MUC4: variants seen among roughly 807,000 people sequenced by gnomAD.
MUC4 encodes the protein mucin-4.
MUC4 carries 202 observed loss-of-function variants against 257.9 expected under a neutral mutation model. The ratio of observed to expected loss-of-function variants is 0.78; its 90% CI spans 0.70 to 0.88. The LOEUF (loss-of-function observed/expected upper bound fraction) is 0.88. Ranked by LOEUF, MUC4 falls within the 40% of genes least tolerant of loss-of-function variation. The probability of loss-of-function intolerance (pLI) is 0.00; values close to 1 mark genes in which losing one functional copy is unlikely to be tolerated. For missense variants in MUC4, 5,976 were observed against 6,513.7 expected, an observed-to-expected ratio of 0.92 and a Z score of 2.84; for synonymous variants, 2,351 against 2,757.1, an observed-to-expected ratio of 0.85 and a Z score of 4.62.
intron 3 of MUC4, 102 bp downstream of exon 3, chr3:195,778,201 C>T (rs2550252): frequency 0.58 from 812,677 of 1,409,304 alleles, 236,136 homozygotes; most frequent in East Asian, 0.73. Context: ...TCGGTAAGGC[C>T]CTCCCCACCC....
intron 1 of MUC4, among the ~76,000 whole-genome samples, chr3:195,798,439 C>T (rs1734820006): frequency 6.6e-6 from 1 of 152,128 alleles, no homozygotes; most frequent in South Asian, 2.1e-4. Context: ...CGTGGTGGCT[C>T]ACACCTGTAA....
At chr3:195,751,165 A>T (rs1716353128) in intron 22 of MUC4, 42 bp downstream of exon 22, 1 of 1,516,344 alleles carries the variant, frequency 6.6e-7, no homozygotes, top group Non-Finnish European at 8.9e-7. Context: ...GTGGGGGATG[A>T]GGAAGAGATC....
In MUC4 at chr3:195,782,922, A is replaced by T. The variant is rs1201700294; in HGVS notation, c.8658T>A (p.Ala2886=). 17 of 1,502,668 alleles carry T rather than the reference A, an allele frequency of 1.1e-5. 3 individuals carry two copies. The highest frequency in any genetic ancestry group is 1.2e-5 in the Non-Finnish European group (14 of 1,120,006). The allele number at this position is 1,502,668 out of a possible 1,614,324, so 93.1% of individuals were successfully genotyped here. The change falls in exon 2 of 25, where the codon GCT becomes GCA. Residue 2886 remains alanine, a synonymous_variant. Transcript: ENST00000463781. ...GHATPLPVTD[A]SSVSTGHATP... is the part of the protein sequence containing the mutation. ...TAGCGTGACCTGTGGACACTGAGGA[A>T]GCGTCGGTGACAGGAAGAGGGGTGG...
rs1733857858 is a variant in MUC4 at position 195,791,481 on chromosome 3, T to C, written c.99A>G (p.Thr33=). ...CAGCAGTTTTACTTCCAGTTATTAA[T>C]GTGTCCTCTGTGGTTCCTGGAGTGA... ...PHVVPGTTED[T]LITGSKTAAP... The change falls in exon 2 of 25, where the codon ACA becomes ACG. Residue 33 remains threonine (T), a synonymous_variant. Coordinates refer to ENST00000463781, the MANE Select transcript of MUC4 (RefSeq NM_018406.7). 1 of 1,613,454 alleles carries C rather than the reference T, an allele frequency of 6.2e-7. No homozygotes were observed. Among genetic ancestry groups the C allele is most frequent in the South Asian group, 1.1e-5 (1 of 91,038 alleles).
At chr3:195,775,470 TCATACCTTCCACACC>T (rs1724261157) in intron 3 of MUC4, among the ~76,000 whole-genome samples, 4 of 17,652 alleles carry the variant, frequency 2.3e-4, no homozygotes, top group African/African-American at 1.0e-3. Context: ...CCTTCCACAG[TCATACCTTCCACACC>T]CATACCTTCC....
chr3:195,758,360 G>A (rs2688525), intron 17 of MUC4, among the ~76,000 whole-genome samples: 94,512 of 151,860 alleles, frequency 0.62, 30,664 homozygotes, highest in East Asian at 0.8. Flanking sequence ...AAACATGGTT[G>A]CCAGACAAAA....
At chr3:195,762,970 G>C (rs572187189) in intron 12 of MUC4, 25 bp from the exon 13 acceptor site, 2 of 1,511,934 alleles carry the variant, frequency 1.3e-6, no homozygotes, top group African/African-American at 2.8e-5. Flanking sequence ...GAGGGGGCCT[G>C]AGCCCGACCC....
rs756038293 is a variant in MUC4, at chr3:195,778,442, C to T, written c.12804G>A (p.Pro4268=). 80 of 1,612,572 alleles carry T rather than the reference C, an allele frequency of 5.0e-5. 1 individual carries two copies. In the South Asian group the frequency reaches 6.9e-4, roughly 14 times the overall value. Residue 4268 remains proline, a synonymous_variant, in exon 3 of 25, where the codon CCG becomes CCA. Coordinates refer to ENST00000463781, the MANE Select transcript of MUC4 (RefSeq NM_018406.7). ...LKMETPGMTT[P]SLKTDGGRRT... is the part of the protein sequence containing the mutation. The stretch of plus-strand genomic sequence containing the variant: ...GTCTCCCACCGTCTGTCTTCAGTGA[C>T]GGTGTTGTCATTCCTGGACACGTGA...
At chr3:195,759,720 G>A (rs957097792) in intron 16 of MUC4, among the ~76,000 whole-genome samples, 2 of 152,140 alleles carry the variant, frequency 1.3e-5, no homozygotes, top group African/African-American at 2.4e-5. Context: ...AGGAGTTCGC[G>A]ACCAGCCTGA....
chr3:195,767,549 TCACCATTACCATTGCCAC>T (rs1267097751), intron 7 of MUC4, among the ~76,000 whole-genome samples: 119 of 72,444 alleles, frequency 1.6e-3, no homozygotes, highest in African/African-American at 2.3e-3. Context: ...ATCATCACCA[TCACCATTACCATTGCCAC>T]CACCATCACC....
intron 5 of MUC4, chr3:195,770,844 G>A (rs915618913): frequency 6.5e-6 from 3 of 458,482 alleles, no homozygotes; most frequent in South Asian, 1.6e-5. Context: ...AGCACAGGAC[G>A]GGCCCTCTTG....
rs12489141 is a variant in MUC4 at position 195,784,663 on chromosome 3, T to C, written c.6917A>G (p.His2306Arg). Reference protein sequence around the residue: ...SASTGHATPLHVTDASSASTG... With the variant: ...SASTGHATPLRVTDASSASTG... ...GGATGCTGAGGAAGCGTCGGTGACATGAAGAGGGGTGGCGTGACCTGTGGA... is the reference window on the plus strand; with the variant it reads ...GGATGCTGAGGAAGCGTCGGTGACACGAAGAGGGGTGGCGTGACCTGTGGA... Residue 2306 changes from histidine to arginine, a missense_variant, in exon 2 of 25, where the codon CAT becomes CGT. Transcript: ENST00000463781. The C allele has an allele frequency of 1.4e-6, 1 of 733,488 alleles. No individual in the cohort carries two copies. The highest frequency in any genetic ancestry group is 1.7e-6 in the Non-Finnish European group (1 of 574,854). 45.4% of individuals were successfully genotyped at this position (733,488 alleles called of 1,614,324 possible).
chr3:195,778,324 T>G lies in MUC4; in HGVS notation c.12922A>C (p.Ile4308Leu). 6.2e-7 allele frequency: 1 copy of G among 1,611,066 alleles called. No homozygotes were observed. The highest frequency in any genetic ancestry group is 2.2e-5 in the East Asian group (1 of 44,794). ...TCACCTCTCTCAGGCAGGATGGGGA[T>G]GGGGGCAGCTGTGGAGCGGGTGTGC... ...AMHTRSTAAP[I>L]PILPERGVSL... Residue 4308 changes from isoleucine (I) to leucine (L), a missense_variant, in exon 3 of 25, where the codon ATC becomes CTC. This residue lies in a region of MUC4 where 233 missense variants were observed against 171.2 expected (regional missense o/e 1.36). Transcript: ENST00000463781.
rs527609116 is a variant in MUC4, at chr3:195,783,944, G to C, written c.7636C>G (p.His2546Asp). 1.3e-6 allele frequency: 2 copies of C among 1,522,800 alleles called. No individual in the cohort carries two copies. Among genetic ancestry groups the C allele is most frequent in the Non-Finnish European group, 1.8e-6 (2 of 1,132,972 alleles). The allele number at this position is 1,522,800 out of a possible 1,614,324, so 94.3% of individuals were successfully genotyped here. The stretch of plus-strand genomic sequence containing the variant: ...GATGCTGAGGAAGGGCTGGTGACAT[G>C]AAGAGAGGTGGCGTGACGTGTGGAT... ...SLSTRHATSLHVTSPSSASTG... is the reference protein window; with the variant it reads ...SLSTRHATSLDVTSPSSASTG... Residue 2546 changes from histidine to aspartate, a missense_variant, in exon 2 of 25, where the codon CAT becomes GAT. Transcript: ENST00000463781.
intron 3 of MUC4, among the ~76,000 whole-genome samples, chr3:195,774,877 G>A (rs1408657510): frequency 3.1e-5 from 4 of 130,376 alleles, no homozygotes; most frequent in African/African-American, 1.2e-4. Context: ...TCCAGCCTGG[G>A]CAACAAGAGC....
At chr3:195,809,151 C>T (rs201057830) in intron 1 of MUC4, among the ~76,000 whole-genome samples, 25 of 152,194 alleles carry the variant, frequency 1.6e-4, no homozygotes, top group African/African-American at 5.5e-4. Context: ...CTTGTCTAGC[C>T]CACCTCTGTC....
chr3:195,748,033 C>T (rs1396962880), intron 24 of MUC4, among the ~76,000 whole-genome samples: 1 of 152,196 alleles, frequency 6.6e-6, no homozygotes, highest in Non-Finnish European at 1.5e-5. Context: ...CCGCGCTCCG[C>T]CCGCCCCCTC....
In MUC4 at chr3:195,747,962, C is replaced by A. The variant is rs1350747044; in HGVS notation, c.16035-582G>T. ...CCACAGGTGGGCATGCGCAGTCACA[C>A]CCCCGCCCCAGCCCGGCCCCGCCCC... On this transcript the variant is annotated intron_variant, in intron 24 of 24. Transcript: ENST00000463781. Among the ~76,000 whole-genome samples the A allele has an allele frequency of 2.0e-5, 3 of 152,220 alleles. No homozygotes were observed. In the East Asian group the frequency reaches 5.8e-4, roughly 29 times the overall value.
chr3:195,759,914 C>T (rs1352199260), intron 16 of MUC4, among the ~76,000 whole-genome samples: 4 of 151,772 alleles, frequency 2.6e-5, no homozygotes, highest in Admixed American at 1.3e-4. Context: ...AGCGAAACTC[C>T]GTCAACACAC....
Sources: allele counts gnomAD v4.1 joint callset (sites outside exome capture counted in the v4.1 genomes callset), GRCh38; gene constraint gnomAD v4.1.1; regional missense constraint gnomAD v4.1.1; transcripts MANE v1.5; gene names NCBI Gene and HGNC (gene_info 2026-07-23, HGNC 2026-07-21).